Variants in SIVA1 observed in about 807,000 individuals in gnomAD.
SIVA1 encodes apoptosis regulatory protein Siva.
Under a neutral mutation model 19.7 loss-of-function variants are expected in SIVA1, and 10 were observed. The ratio of observed to expected loss-of-function variants is 0.51; its 90% CI spans 0.31 to 0.86. The LOEUF (loss-of-function observed/expected upper bound fraction) is 0.86, where lower values mean the gene tolerates loss of function less well. Among genes scored for constraint, SIVA1 ranks in the 40% least tolerant of loss-of-function variants. SIVA1 has a pLI of 0.04. For missense variants in SIVA1, 241 were observed against 245.2 expected (o/e 0.98, Z 0.11); for synonymous variants, 130 against 106.1 (o/e 1.23, Z -1.39).
Position 104,753,417 on chromosome 14 carries a change from G to A in SIVA1, c.118+98G>A. On this transcript the variant is annotated intron_variant, in intron 1 of 3. Coordinates refer to ENST00000329967, the MANE Select transcript of SIVA1 (RefSeq NM_006427.4). ...TGAGGCCTGAGCGGGGGGCTGGAGG[G>A]CCCTGCTTTCTGGCCCCGCGTTCCC... 1.1e-5 allele frequency: 9 copies of A among 815,076 alleles called. No homozygotes were observed. The South Asian group carries it at 1.1e-4, about 10-fold the overall frequency. The allele number at this position is 815,076 out of a possible 1,614,324, so 50.5% of individuals were successfully genotyped here.
intron 1 of SIVA1, chr14:104,753,743 T>C (rs1268516772): frequency 6.6e-6 from 3 of 451,512 alleles, no homozygotes; most frequent in African/African-American, 2.0e-5. Context: ...GAGGTATTCA[T>C]GGAGCGCGCG....
intron 3 of SIVA1, 64 bp downstream of exon 3, chr14:104,756,824 G>A (rs1891907789): frequency 6.6e-6 from 10 of 1,516,304 alleles, no homozygotes; most frequent in South Asian, 3.8e-5. Flanking sequence ...GATGGGGGAC[G>A]GGTGGGTCAC....
chr14:104,757,449 G>C, intron 3 of SIVA1: 1 of 248,434 alleles, frequency 4.0e-6, no homozygotes, highest in South Asian at 3.4e-5. Flanking sequence ...GTTACATCTC[G>C]AGTCCTTTCT....
intron 2 of SIVA1, chr14:104,756,153 C>A: frequency 2.1e-6 from 1 of 480,772 alleles, no homozygotes; most frequent in Non-Finnish European, 3.8e-6. Context: ...GGTCTCAGAG[C>A]ATCACCTGTG....
rs769713748 is a variant in SIVA1 at position 104,753,868 on chromosome 14, AG to A, written c.118+551del. On this transcript the variant is annotated intron_variant, in intron 1 of 3. Transcript: ENST00000329967. Reference sequence around the variant, plus strand: ...GGAGACCAGCAGGAGGAGTCGCCACAGGTGGTCGGGGCAGGCACAGGTTTGT... The same window carrying A: ...GGAGACCAGCAGGAGGAGTCGCCACAGTGGTCGGGGCAGGCACAGGTTTGT... The A allele has an allele frequency of 4.4e-5, 19 of 433,124 alleles. No homozygotes were observed. In the East Asian group the frequency reaches 1.4e-3, roughly 31 times the overall value. The allele number at this position is 433,124 out of a possible 1,614,324, so 26.8% of individuals were successfully genotyped here.
At chr14:104,753,530 C>T (rs1483306726) in intron 1 of SIVA1, among the ~76,000 whole-genome samples, 3 of 152,190 alleles carry the variant, frequency 2.0e-5, no homozygotes, top group Non-Finnish European at 4.4e-5. Flanking sequence ...CGTTCGCCCA[C>T]CCTGTCCAAC....
chr14:104,756,247 C>T (rs1891884867), intron 2 of SIVA1: 1 of 446,794 alleles, frequency 2.2e-6, no homozygotes, highest in Non-Finnish European at 4.1e-6. Context: ...CTTTGTTAAC[C>T]AGTAAGGCAG....
rs1366823934 is a variant in SIVA1, at chr14:104,759,541, CCTGGACGAG to C, written c.*58_*66del. 5 of 1,475,902 alleles carry C rather than the reference CCTGGACGAG, an allele frequency of 3.4e-6. No homozygotes were observed. The East Asian group carries it at 1.1e-4, about 34-fold the overall frequency. 91.4% of individuals were successfully genotyped at this position (1,475,902 alleles called of 1,614,324 possible). ...AGCCACGCCGTGCATGGCAGCCTTC[CCTGGACGAG>C]CGCTCGGTGTTCACACTGAACTGTG... On this transcript the variant is annotated 3_prime_UTR_variant, in exon 4 of 4. Transcript: ENST00000329967. The surrounding 1 kb of genome is among the most constrained non-coding windows in gnomAD (Gnocchi z 4.2).
chr14:104,753,665 C>A, intron 1 of SIVA1: 1 of 439,326 alleles, frequency 2.3e-6, no homozygotes, highest in Non-Finnish European at 4.5e-6. Context: ...TGCAGGATGT[C>A]CTGGGAGAGG....
In SIVA1 at chr14:104,759,332, C is replaced by A. The variant is rs1166074689; in HGVS notation, c.471-96C>A. ...AGATAAGGTCATGTCCTGAGGTGTT[C>A]TGGGTTAGGACTTTGACGTTTGAAT... is the stretch of plus-strand genomic sequence containing the variant. On this transcript the variant is annotated intron_variant, in intron 3 of 3. Coordinates refer to ENST00000329967, the MANE Select transcript of SIVA1 (RefSeq NM_006427.4). This position sits in a 1 kb window ranked among gnomAD's most constrained non-coding sequence, Gnocchi z 4.2. 2 of 1,014,012 alleles carry A rather than the reference C, an allele frequency of 2.0e-6. No homozygotes were observed. Among genetic ancestry groups the A allele is most frequent in the Non-Finnish European group, 3.0e-6 (2 of 668,234 alleles). 62.8% of individuals were successfully genotyped at this position (1,014,012 alleles called of 1,614,324 possible). A position where few individuals can be genotyped will look rare whatever the true frequency, so the allele number is the denominator to read the frequency against.
chr14:104,757,331 G>T (rs142525503), intron 3 of SIVA1: 1 of 416,124 alleles, frequency 2.4e-6, no homozygotes, highest in Non-Finnish European at 4.8e-6. Context: ...GCCCTGCCCC[G>T]TGAGAAAGAT....
At chr14:104,756,566 T>A (rs1309375826) in intron 2 of SIVA1, 38 bp from the exon 3 acceptor site, 10 of 1,613,156 alleles carry the variant, frequency 6.2e-6, no homozygotes, top group Non-Finnish European at 8.5e-6. Context: ...AACTCCAGTC[T>A]CCTTGCAGCC....
At chr14:104,755,593 A>G in intron 1 of SIVA1, 37 bp from the exon 2 acceptor site, 2 of 1,578,224 alleles carry the variant, frequency 1.3e-6, no homozygotes, top group African/African-American at 1.4e-5. Context: ...TCGTTGGTAC[A>G]CAGTGAAGGA....
chr14:104,753,433 C>G, intron 1 of SIVA1, 114 bp downstream of exon 1: 2 of 702,176 alleles, frequency 2.8e-6, no homozygotes, highest in South Asian at 4.0e-5. Flanking sequence ...CTTTCTGGCC[C>G]CGCGTTCCCG....
chr14:104,756,534 C>T (rs1057344038), intron 2 of SIVA1, 70 bp from the exon 3 acceptor site: 8 of 1,580,362 alleles, frequency 5.1e-6, no homozygotes, highest in Non-Finnish European at 6.9e-6. Flanking sequence ...TGCATGGAGG[C>T]AGGTAGCCCG....
rs748712785 is a variant in SIVA1 at position 104,756,613 on chromosome 14, G to A, written c.323G>A (p.Gly108Glu). Residue 108 changes from glycine (G) to glutamate (E), a missense_variant, in exon 3 of 4, where the codon GGG becomes GAG. Transcript: ENST00000329967. Reference sequence around the variant, plus strand: ...CGTTTCTTCCTCACAGACCCATCTGGGGTAGCGTCCATTGCCTGTTCCTCA... The same window carrying A: ...CGTTTCTTCCTCACAGACCCATCTGAGGTAGCGTCCATTGCCTGTTCCTCA... ...LGQASEADPSGVASIACSSCV... is the reference protein window; with the variant it reads ...LGQASEADPSEVASIACSSCV... 2.5e-6 allele frequency: 4 copies of A among 1,614,180 alleles called. No homozygotes were observed. The highest frequency in any genetic ancestry group is 3.4e-6 in the Non-Finnish European group (4 of 1,180,036).
intron 1 of SIVA1, among the ~76,000 whole-genome samples, chr14:104,754,123 A>G (rs1368763289): frequency 6.6e-6 from 1 of 152,120 alleles, no homozygotes; most frequent in Non-Finnish European, 1.5e-5. Flanking sequence ...TCTCCTGTGG[A>G]TTTCAGGCGT....
At chr14:104,753,925 G>T (rs1022202035) in intron 1 of SIVA1, 4 of 353,044 alleles carry the variant, frequency 1.1e-5, no homozygotes, top group Admixed American at 6.1e-5. Context: ...GGCACGGAAG[G>T]CTTCTTGGAA....
At chr14:104,756,225 G>C in intron 2 of SIVA1, 2 of 437,306 alleles carry the variant, frequency 4.6e-6, no homozygotes, top group East Asian at 9.8e-5. Flanking sequence ...TCTAGGAGGA[G>C]CCCAGGCACC....
Sources: gnomAD v4.1 joint callset for allele counts (sites outside exome capture counted in the v4.1 genomes callset) on GRCh38, gnomAD v4.1.1 for gene constraint, Gnocchi (gnomAD v3.1) non-coding constraint, MANE v1.5 for transcripts, NCBI Gene and HGNC (gene_info 2026-07-23, HGNC 2026-07-21) for gene names.